The following SPATS2 variants were observed in gnomAD, a reference collection of about 807,000 sequenced individuals.
The protein encoded by SPATS2 is spermatogenesis-associated serine-rich protein 2.
SPATS2 carries 38 observed loss-of-function variants against 63.7 expected under a neutral mutation model. That is an observed-to-expected ratio of 0.60 (90% CI 0.46 to 0.78). The LOEUF is 0.78. Among genes scored for constraint, SPATS2 ranks in the 30% least tolerant of loss-of-function variants. The pLI, the probability that SPATS2 is intolerant of heterozygous loss-of-function variation, is 0.00. For synonymous variants in SPATS2, 207 were observed against 232.9 expected (o/e 0.89, Z 1.01); for missense variants, 588 against 666.2 (o/e 0.88, Z 1.29).
At chr12:49,475,098 G>A (rs1186820321) in intron 3 of SPATS2, among the ~76,000 whole-genome samples, 1 of 152,188 alleles carries the variant, frequency 6.6e-6, no homozygotes, top group Non-Finnish European at 1.5e-5. Context: ...GGAGCTACAA[G>A]ATGACATTTG....
chr12:49,495,192 A>C (rs573277846), intron 7 of SPATS2, among the ~76,000 whole-genome samples, 190 bp downstream of exon 7: 7 of 152,178 alleles, frequency 4.6e-5, no homozygotes, highest in African/African-American at 1.7e-4. Context: ...GCCTAGAAAA[A>C]AATACAATTC....
intron 2 of SPATS2, among the ~76,000 whole-genome samples, chr12:49,393,376 T>A (rs570623294): frequency 2.0e-5 from 3 of 152,300 alleles, no homozygotes; most frequent in South Asian, 4.1e-4. Flanking sequence ...ATTCTTACAT[T>A]AAGGCATACA....
chr12:49,520,364 C>T (rs970972503), intron 11 of SPATS2, among the ~76,000 whole-genome samples: 2 of 152,054 alleles, frequency 1.3e-5, no homozygotes, highest in Non-Finnish European at 2.9e-5. Flanking sequence ...GTGATCTACC[C>T]GCCTCGGCCT....
At chr12:49,414,411 C>CCT (rs1944849547) in intron 2 of SPATS2, among the ~76,000 whole-genome samples, 1 of 151,978 alleles carries the variant, frequency 6.6e-6, no homozygotes, top group African/African-American at 2.4e-5. Flanking sequence ...GGCCATCGAA[C>CCT]TAAGACTTGT....
chr12:49,406,283 A>C (rs1245993572), intron 2 of SPATS2, among the ~76,000 whole-genome samples: 2 of 149,146 alleles, frequency 1.3e-5, no homozygotes, highest in Non-Finnish European at 3.0e-5. Context: ...GTTTTTGTAA[A>C]CTTTTTTTTT....
At chr12:49,416,680 TCACC>T (rs1944895299) in intron 2 of SPATS2, among the ~76,000 whole-genome samples, 1 of 152,014 alleles carries the variant, frequency 6.6e-6, no homozygotes, top group African/African-American at 2.4e-5. Flanking sequence ...AGGTGGGGTT[TCACC>T]ATGTTGGCCA....
chr12:49,435,157 A>G (rs1308424586), intron 2 of SPATS2, among the ~76,000 whole-genome samples: 1 of 150,900 alleles, frequency 6.6e-6, no homozygotes, highest in African/African-American at 2.4e-5. Context: ...CAGCCTCCCA[A>G]GTAGCTGGGA....
chr12:49,403,639 A>T (rs1161761421), intron 2 of SPATS2, among the ~76,000 whole-genome samples: 1 of 147,304 alleles, frequency 6.8e-6, no homozygotes, highest in African/African-American at 2.6e-5. Context: ...ACACACACAC[A>T]CAAACAAAAC....
intron 2 of SPATS2, among the ~76,000 whole-genome samples, chr12:49,424,880 G>A (rs1299568665): frequency 9.2e-5 from 14 of 152,062 alleles, no homozygotes; most frequent in Admixed American, 5.2e-4. Context: ...GGGTTTCGCC[G>A]TGTTGGCCAG....
At chr12:49,469,484 T>G (rs1592430428) in intron 3 of SPATS2, 1 of 379,336 alleles carries the variant, frequency 2.6e-6, no homozygotes, top group Non-Finnish European at 5.0e-6. Flanking sequence ...CACTCAAGCC[T>G]GGGAGTTTGA....
chr12:49,426,788 C>T lies in SPATS2; in HGVS notation c.-243-33982C>T, dbSNP rs577926741. On this transcript the variant is annotated intron_variant, in intron 2 of 13. Transcript: ENST00000552918. Reference sequence around the variant, plus strand: ...TCGATCTCCTGACCTCGTGATCCTCCCGCCTCGGCCTCCCAAAGTGCTGGG... The same window carrying T: ...TCGATCTCCTGACCTCGTGATCCTCTCGCCTCGGCCTCCCAAAGTGCTGGG... Among the ~76,000 whole-genome samples the T allele has an allele frequency of 2.0e-5, 3 of 152,344 alleles. No homozygotes were observed. The South Asian group carries it at 6.2e-4, about 32-fold the overall frequency.
At chr12:49,486,698 G>A (rs745999648) in intron 4 of SPATS2, among the ~76,000 whole-genome samples, 63 of 151,176 alleles carry the variant, frequency 4.2e-4, no homozygotes, top group Non-Finnish European at 7.2e-4. Flanking sequence ...GGAGAGTGGC[G>A]TGAACCTGGG....
At chr12:49,504,770 CTTT>C (rs745453843) in intron 9 of SPATS2, among the ~76,000 whole-genome samples, 10 of 98,830 alleles carry the variant, frequency 1.0e-4, no homozygotes, top group African/African-American at 2.3e-4. Context: ...TTCTTTCTTT[CTTT>C]TTTTTTTTTT....
At chr12:49,375,176 GTGTGTGTGTGTGTGTGT>G (rs1267950052) in intron 2 of SPATS2, among the ~76,000 whole-genome samples, 42 of 136,260 alleles carry the variant, frequency 3.1e-4, no homozygotes, top group African/African-American at 8.7e-4. Flanking sequence ...GTGTGTGTGT[GTGTGTGTGTGTGTGTGT>G]GTGGTGGTAG....
At chr12:49,368,816 C>G (rs1327223649) in intron 1 of SPATS2, among the ~76,000 whole-genome samples, 1 of 151,914 alleles carries the variant, frequency 6.6e-6, no homozygotes, top group Non-Finnish European at 1.5e-5. Flanking sequence ...CCATGTTAAG[C>G]CTTTTATTTG....
chr12:49,379,147 C>G (rs1473446542), intron 2 of SPATS2, among the ~76,000 whole-genome samples: 3 of 151,366 alleles, frequency 2.0e-5, no homozygotes, highest in Non-Finnish European at 4.4e-5. Context: ...GTCTTGAACT[C>G]CTGACCTCAT....
chr12:49,509,564 C>CT (rs1592471160), intron 9 of SPATS2, among the ~76,000 whole-genome samples: 1 of 152,076 alleles, frequency 6.6e-6, no homozygotes, highest in African/African-American at 2.4e-5. Context: ...GCCACTGCAC[C>CT]TGACCTTTTG....
chr12:49,497,077 T>C, intron 8 of SPATS2, 68 bp downstream of exon 8: 1 of 1,427,414 alleles, frequency 7.0e-7, no homozygotes, highest in Non-Finnish European at 9.4e-7. Flanking sequence ...GGGCAAATTA[T>C]CTCTGTTGCC....
chr12:49,512,046 G>C (rs556593455), intron 9 of SPATS2, among the ~76,000 whole-genome samples: 16 of 152,232 alleles, frequency 1.1e-4, no homozygotes, highest in Middle Eastern at 6.8e-3. Flanking sequence ...CTAAAAATAG[G>C]TCATTCTTCT....
Sources: allele counts gnomAD v4.1 joint callset (sites outside exome capture counted in the v4.1 genomes callset), GRCh38; gene constraint gnomAD v4.1.1; transcripts MANE v1.5; gene names NCBI Gene and HGNC (gene_info 2026-07-23, HGNC 2026-07-21).